The following KDM4C variants were observed in gnomAD, a reference collection of about 807,000 sequenced individuals.
KDM4C encodes lysine demethylase 4C, also known as lysine-specific demethylase 4C.
In KDM4C, 81 loss-of-function variants were observed where a neutral mutation model predicts 129.3. The ratio of observed to expected loss-of-function variants is 0.63; its 90% CI spans 0.52 to 0.75. KDM4C has a LOEUF of 0.75. Among genes scored for constraint, KDM4C ranks in the 30% least tolerant of loss-of-function variants. KDM4C has a pLI of 0.00. For synonymous variants in KDM4C, 573 were observed against 456.1 expected, an observed-to-expected ratio of 1.26 and a Z score of -3.26; for missense variants, 1,457 against 1,304.0, an observed-to-expected ratio of 1.12 and a Z score of -1.81.
chr9:6,892,220 G>C (rs1846201776), intron 7 of KDM4C, among the ~76,000 whole-genome samples: 1 of 152,098 alleles, frequency 6.6e-6, no homozygotes, highest in African/African-American at 2.4e-5. Context: ...TGCTGGGTTA[G>C]AAACATTTTA....
rs535043719 is a variant in KDM4C at position 7,079,322 on chromosome 9, G to GT, written c.2425-24357dup. Among the ~76,000 whole-genome samples the GT allele has an allele frequency of 2.8e-3, 421 of 152,234 alleles. 9 individuals carry two copies. Among genetic ancestry groups the GT allele is most frequent in the Non-Finnish European group, 4.9e-4 (33 of 68,004 alleles). On this transcript the variant is annotated intron_variant, in intron 17 of 21. Transcript: ENST00000381309. ...CATTAATCTCTACAAGAGTGACTTT[G>GT]TTTTTTGTTTGTTTGTTTTGAGATG...
intron 4 of KDM4C, chr9:6,834,775 G>A: frequency 8.1e-7 from 1 of 1,227,042 alleles, no homozygotes; most frequent in Non-Finnish European, 1.2e-6. Context: ...TGCTGACCGA[G>A]GCCCCCCTGA....
intron 8 of KDM4C, among the ~76,000 whole-genome samples, chr9:6,943,476 A>T (rs1274930742): frequency 6.6e-6 from 1 of 152,042 alleles, no homozygotes; most frequent in African/African-American, 2.4e-5. Context: ...CAGGACGCCT[A>T]GTGGGGAGGA....
At position 6,860,298 on chromosome 9, in the gene KDM4C, T is replaced by C. The variant is rs1308753701; in HGVS notation, c.629+10598T>C. 3.3e-5 allele frequency among the ~76,000 whole-genome samples: 5 copies of C among 152,210 alleles called. No individual in the cohort carries two copies. In the East Asian group the frequency reaches 9.6e-4, roughly 29 times the overall value. ...TTAGATGTGTTACTTGGAAACATTC[T>C]TGAAGTCAGAAAGAAAACCCCACAT... On this transcript the variant is annotated intron_variant, in intron 5 of 21. Coordinates refer to ENST00000381309, the MANE Select transcript of KDM4C (RefSeq NM_015061.6).
At chr9:6,946,076 T>A (rs1282423618) in intron 8 of KDM4C, among the ~76,000 whole-genome samples, 1 of 152,162 alleles carries the variant, frequency 6.6e-6, no homozygotes, top group East Asian at 1.9e-4. Flanking sequence ...ACTTCATTTG[T>A]CATTAGATGA....
intron 2 of KDM4C, among the ~76,000 whole-genome samples, chr9:6,802,781 A>G (rs1302328407): frequency 2.0e-5 from 3 of 152,162 alleles, no homozygotes; most frequent in Non-Finnish European, 4.4e-5. Context: ...TAATTTTTGT[A>G]TTTTTAGTAG....
At chr9:7,142,964 T>G (rs1841902287) in intron 19 of KDM4C, among the ~76,000 whole-genome samples, 1 of 152,208 alleles carries the variant, frequency 6.6e-6, no homozygotes, top group Non-Finnish European at 1.5e-5. Flanking sequence ...AATGTCATAG[T>G]TACTGTTAAT....
chr9:6,817,031 T>C (rs1832228395), intron 4 of KDM4C, among the ~76,000 whole-genome samples: 1 of 152,158 alleles, frequency 6.6e-6, no homozygotes, highest in African/African-American at 2.4e-5. Context: ...AGAATTGTCA[T>C]ATTGGATGGA....
chr9:6,730,770 G>A (rs1454536079), intron 1 of KDM4C, among the ~76,000 whole-genome samples: 2 of 152,134 alleles, frequency 1.3e-5, no homozygotes, highest in East Asian at 3.8e-4. Context: ...AGTGACTATA[G>A]AAATCAGAGG....
At chr9:6,739,702 A>T (rs1405913340) in intron 1 of KDM4C, among the ~76,000 whole-genome samples, 2 of 151,498 alleles carry the variant, frequency 1.3e-5, no homozygotes, top group Non-Finnish European at 2.9e-5. Flanking sequence ...AAACCTTTAA[A>T]TAGCCCAGTA....
chr9:7,173,330 GACCAGGCCCTGCA>G (rs1377403389), intron 21 of KDM4C, among the ~76,000 whole-genome samples: 3 of 152,250 alleles, frequency 2.0e-5, no homozygotes, highest in Non-Finnish European at 4.4e-5. Context: ...AGGCAAGTAT[GACCAGGCCCTGCA>G]ACTGATGCCG....
intron 6 of KDM4C, among the ~76,000 whole-genome samples, chr9:6,885,735 A>C (rs767677293): frequency 3.3e-5 from 5 of 152,228 alleles, no homozygotes; most frequent in Non-Finnish European, 4.4e-5. Flanking sequence ...TTGAGGTAAA[A>C]TTCATTTTAA....
At chr9:7,003,506 A>G (rs10975964) in intron 12 of KDM4C, among the ~76,000 whole-genome samples, 2,020 of 151,624 alleles carry the variant, frequency 0.013, 22 homozygotes, top group East Asian at 0.029. Context: ...GTGTATATAG[A>G]GTCATTTGGA....
intron 1 of KDM4C, among the ~76,000 whole-genome samples, chr9:6,743,318 A>G (rs1817765587): frequency 6.6e-6 from 1 of 152,286 alleles, no homozygotes; most frequent in African/African-American, 2.4e-5. Context: ...TACCTTGCAC[A>G]TAACTATAAC....
At chr9:7,049,948 C>G (rs141374468) in intron 17 of KDM4C, among the ~76,000 whole-genome samples, 47 of 152,234 alleles carry the variant, frequency 3.1e-4, no homozygotes, top group Non-Finnish European at 6.0e-4. Flanking sequence ...ACTTAAAACT[C>G]TAGAATTTCC....
At chr9:6,809,734 C>T (rs1012249742) in intron 3 of KDM4C, among the ~76,000 whole-genome samples, 1 of 152,140 alleles carries the variant, frequency 6.6e-6, no homozygotes, top group Non-Finnish European at 1.5e-5. Flanking sequence ...TGTGGTGGCT[C>T]ACACTTGTAA....
At chr9:6,992,405 CGA>C (rs1277056877) in intron 12 of KDM4C, among the ~76,000 whole-genome samples, 3 of 152,156 alleles carry the variant, frequency 2.0e-5, no homozygotes, top group Non-Finnish European at 4.4e-5. Flanking sequence ...TTTGTAGAAA[CGA>C]TGATTGTAGC....
intron 2 of KDM4C, among the ~76,000 whole-genome samples, chr9:6,794,209 C>T (rs557596532): frequency 6.6e-6 from 1 of 152,340 alleles, no homozygotes; most frequent in Admixed American, 6.5e-5. Context: ...GCAGAACAGA[C>T]GATGTTCCTG....
intron 19 of KDM4C, among the ~76,000 whole-genome samples, chr9:7,134,167 C>G (rs1049402124): frequency 1.3e-4 from 20 of 152,196 alleles, no homozygotes; most frequent in African/African-American, 4.6e-4. Context: ...GGTCTGCAGG[C>G]ATGGCCCACA....
Sources: gnomAD v4.1 joint callset for allele counts (sites outside exome capture counted in the v4.1 genomes callset) on GRCh38, gnomAD v4.1.1 for gene constraint, MANE v1.5 for transcripts, NCBI Gene and HGNC (gene_info 2026-07-23, HGNC 2026-07-21) for gene names.